ROR1: variants seen among roughly 807,000 people sequenced by gnomAD.
ROR1 encodes inactive tyrosine-protein kinase transmembrane receptor ROR1.
In ROR1, 19 loss-of-function variants were observed where a neutral mutation model predicts 78.8. That is an observed-to-expected ratio of 0.24 (90% CI 0.17 to 0.35). The LOEUF (loss-of-function observed/expected upper bound fraction) is 0.35. Among genes scored for constraint, ROR1 ranks in the 10% least tolerant of loss-of-function variants. The pLI is 1.00. For missense variants in ROR1, 917 were observed against 1,177.8 expected, an observed-to-expected ratio of 0.78 and a Z score of 3.24; for synonymous variants, 386 against 433.6, an observed-to-expected ratio of 0.89 and a Z score of 1.36.
intron 1 of ROR1, among the ~76,000 whole-genome samples, chr1:63,916,202 C>T (rs910193473): frequency 3.3e-5 from 5 of 152,152 alleles, no homozygotes; most frequent in Non-Finnish European, 7.3e-5. Context: ...GTTTCCTCTT[C>T]GCATGAACAA....
chr1:64,116,666 G>T (rs1648325622), intron 4 of ROR1, among the ~76,000 whole-genome samples: 1 of 152,096 alleles, frequency 6.6e-6, no homozygotes, highest in African/African-American at 2.4e-5. Flanking sequence ...ATATTGAAAG[G>T]AAAAGGGCGT....
At chr1:63,800,494 G>A (rs1196149869) in intron 1 of ROR1, among the ~76,000 whole-genome samples, 3 of 152,110 alleles carry the variant, frequency 2.0e-5, no homozygotes, top group Admixed American at 6.5e-5. Flanking sequence ...CCTTTCCTGG[G>A]TGTAGGAAAC....
chr1:63,965,671 G>T (rs1194194239), intron 1 of ROR1, among the ~76,000 whole-genome samples: 1 of 151,960 alleles, frequency 6.6e-6, no homozygotes, highest in Non-Finnish European at 1.5e-5. Flanking sequence ...ATTCTATTGT[G>T]CTGTTATCAC....
chr1:63,866,367 A>T (rs948049542), intron 1 of ROR1, among the ~76,000 whole-genome samples: 2 of 152,238 alleles, frequency 1.3e-5, no homozygotes, highest in African/African-American at 4.8e-5. Context: ...AACATTAAGA[A>T]ATATGGGCAA....
intron 8 of ROR1, among the ~76,000 whole-genome samples, chr1:64,171,805 G>C (rs776798328): frequency 5.9e-5 from 9 of 152,214 alleles, no homozygotes; most frequent in Non-Finnish European, 1.0e-4. Context: ...AGACTCAAAA[G>C]TAGAGCAATT....
At chr1:64,125,261 C>T (rs1347108323) in intron 4 of ROR1, among the ~76,000 whole-genome samples, 1 of 152,098 alleles carries the variant, frequency 6.6e-6, no homozygotes, top group African/African-American at 2.4e-5. Context: ...CAAAGAAAAA[C>T]ATGGGGTAAT....
chr1:64,118,116 T>A (rs1569799019), intron 4 of ROR1, among the ~76,000 whole-genome samples: 2 of 152,242 alleles, frequency 1.3e-5, no homozygotes, highest in South Asian at 4.2e-4. Context: ...GGTGGGAGGA[T>A]CACCCAAGCC....
At chr1:63,933,369 C>T (rs1361550669) in intron 1 of ROR1, among the ~76,000 whole-genome samples, 1 of 152,178 alleles carries the variant, frequency 6.6e-6, no homozygotes, top group African/African-American at 2.4e-5. Flanking sequence ...TTGCATGGTA[C>T]TAGGCAGGAG....
chr1:63,850,789 G>A (rs542895331), intron 1 of ROR1, among the ~76,000 whole-genome samples: 4 of 152,190 alleles, frequency 2.6e-5, no homozygotes, highest in South Asian at 2.1e-4. Context: ...AACACATTAT[G>A]TACATTTCTA....
At chr1:63,997,724 G>A (rs285373) in intron 1 of ROR1, among the ~76,000 whole-genome samples, 106,606 of 151,784 alleles carry the variant, frequency 0.7, 39,840 homozygotes, top group East Asian at 0.94. Flanking sequence ...GACAGGGGTC[G>A]AAAAATCATT....
intron 1 of ROR1, among the ~76,000 whole-genome samples, chr1:63,943,072 A>G (rs1645854028): frequency 6.7e-6 from 1 of 148,470 alleles, no homozygotes; most frequent in African/African-American, 2.5e-5. Context: ...CAGCCTGAGC[A>G]ACAGAGCAAA....
At chr1:63,879,442 C>T (rs1231665299) in intron 1 of ROR1, among the ~76,000 whole-genome samples, 1 of 152,064 alleles carries the variant, frequency 6.6e-6, no homozygotes, top group East Asian at 1.9e-4. Context: ...GAAAGATAGC[C>T]TGTGGTCTGA....
intron 1 of ROR1, among the ~76,000 whole-genome samples, chr1:63,993,125 C>A (rs1022622405): frequency 3.3e-5 from 5 of 152,158 alleles, no homozygotes; most frequent in African/African-American, 1.2e-4. Context: ...GCAGAAAAAT[C>A]TTTTGTCTAC....
chr1:63,929,215 A>G (rs1251978192), intron 1 of ROR1, among the ~76,000 whole-genome samples: 1 of 152,200 alleles, frequency 6.6e-6, no homozygotes, highest in Non-Finnish European at 1.5e-5. Context: ...AATATTGGAC[A>G]TCTATCCTGT....
In ROR1 at chr1:63,774,521, C is replaced by T. The variant is rs1299504035; in HGVS notation, c.91+13C>T. 2.2e-5 allele frequency: 24 copies of T among 1,102,664 alleles called. No homozygotes were observed. Among genetic ancestry groups the T allele is most frequent in the Non-Finnish European group, 8.8e-6 (8 of 907,300 alleles). 68.3% of individuals were successfully genotyped at this position (1,102,664 alleles called of 1,614,324 possible). Reference sequence around the variant, plus strand: ...GCTGCTGCCCAAGGTAAGAGGCGCCCGCCGGCCCCCGCCCGCCCAGACCCC... The same window carrying T: ...GCTGCTGCCCAAGGTAAGAGGCGCCTGCCGGCCCCCGCCCGCCCAGACCCC... On this transcript the variant is annotated intron_variant, in intron 1 of 8. Coordinates refer to ENST00000371079, the MANE Select transcript of ROR1 (RefSeq NM_005012.4). This position sits in a 1 kb window ranked among gnomAD's most constrained non-coding sequence, Gnocchi z 5.7.
intron 1 of ROR1, among the ~76,000 whole-genome samples, chr1:63,977,354 C>T (rs553964621): frequency 1.7e-4 from 26 of 152,252 alleles, no homozygotes; most frequent in African/African-American, 6.3e-4. Flanking sequence ...TGACCTATCA[C>T]ATGAAGTCGG....
chr1:64,062,047 C>T (rs1646921019), intron 4 of ROR1, among the ~76,000 whole-genome samples: 1 of 152,170 alleles, frequency 6.6e-6, no homozygotes. Flanking sequence ...GAAACTCTCC[C>T]TCAAATTCTG....
chr1:63,925,475 C>G, intron 1 of ROR1, among the ~76,000 whole-genome samples: 1 of 152,004 alleles, frequency 6.6e-6, no homozygotes, highest in Admixed American at 6.6e-5. Flanking sequence ...AATAAACATA[C>G]GTGTGCATGT....
rs532283370 is a variant in ROR1 at position 64,116,347 on chromosome 1, C to T, written c.483-21022C>T. On this transcript the variant is annotated intron_variant, in intron 4 of 8. Coordinates refer to ENST00000371079, the MANE Select transcript of ROR1 (RefSeq NM_005012.4). ...ACAATATTTTTAACATTATGCCTGG[C>T]GAATGTGCACATGTTAGATATAAAG... Among the ~76,000 whole-genome samples, 31 of 152,164 alleles carry T rather than the reference C, an allele frequency of 2.0e-4. 1 individual carries two copies. The South Asian group carries it at 5.4e-3, about 26-fold the overall frequency.
Sources: gnomAD v4.1 joint callset for allele counts (sites outside exome capture counted in the v4.1 genomes callset) on GRCh38, gnomAD v4.1.1 for gene constraint, Gnocchi (gnomAD v3.1) non-coding constraint, MANE v1.5 for transcripts, NCBI Gene and HGNC (gene_info 2026-07-23, HGNC 2026-07-21) for gene names.